Variants in EPSTI1 observed in about 807,000 individuals in gnomAD.
EPSTI1 encodes epithelial-stromal interaction protein 1.
In EPSTI1, 66 loss-of-function variants were observed where a neutral mutation model predicts 49.9. The observed-to-expected ratio is 1.32, with a 90% CI of 1.08 to 1.62. The LOEUF (loss-of-function observed/expected upper bound fraction) is 1.62. Ranked by LOEUF, EPSTI1 falls within the 40% of genes most tolerant of loss-of-function variation. The probability of loss-of-function intolerance (pLI) is 0.00; values close to 1 mark genes in which losing one functional copy is unlikely to be tolerated. For synonymous variants in EPSTI1, 137 were observed against 130.7 expected (o/e 1.05, Z -0.33); for missense variants, 394 against 365.5 (o/e 1.08, Z -0.64).
rs767306122 is a variant in EPSTI1, at chr13:42,991,959, A to G, written c.188+19T>C. ...GGGCCCGGGCTCCCGCCCCGAAGCC[A>G]GGTTGTTAAAATACTCACCGCCTCT... On this transcript the variant is annotated intron_variant, in intron 1 of 10. Coordinates refer to ENST00000313624, the MANE Select transcript of EPSTI1 (RefSeq NM_033255.5). The G allele has an allele frequency of 1.2e-6, 2 of 1,612,842 alleles. No homozygotes were observed. The highest frequency in any genetic ancestry group is 2.2e-5 in the South Asian group (2 of 91,050).
intron 6 of EPSTI1, among the ~76,000 whole-genome samples, chr13:42,941,682 C>T (rs2038756289): frequency 1.3e-5 from 2 of 148,966 alleles, no homozygotes; most frequent in African/African-American, 2.4e-5. Flanking sequence ...TGCTTAATTT[C>T]TAATTTTACT....
chr13:42,959,710 C>G (rs2039386137), intron 5 of EPSTI1, among the ~76,000 whole-genome samples: 1 of 152,140 alleles, frequency 6.6e-6, no homozygotes, highest in South Asian at 2.1e-4. Context: ...CTGGAAAGAG[C>G]AAGGAAAGGT....
At chr13:42,925,887 CTG>C (rs1051985300) in intron 7 of EPSTI1, among the ~76,000 whole-genome samples, 9 of 152,284 alleles carry the variant, frequency 5.9e-5, no homozygotes, top group Non-Finnish European at 1.3e-4. Context: ...GTGATATGCT[CTG>C]TGCTCAGCAG....
intron 1 of EPSTI1, among the ~76,000 whole-genome samples, chr13:42,987,901 A>G (rs902962649): frequency 3.3e-5 from 5 of 152,198 alleles, no homozygotes; most frequent in Admixed American, 1.3e-4. Context: ...GCTACTACGT[A>G]AGTGCTATTA....
intron 8 of EPSTI1, among the ~76,000 whole-genome samples, chr13:42,907,924 G>A (rs2037544659): frequency 6.6e-6 from 1 of 152,118 alleles, no homozygotes; most frequent in Admixed American, 6.5e-5. Context: ...ACAGAATAGA[G>A]AGTCCAAAAA....
intron 7 of EPSTI1, among the ~76,000 whole-genome samples, chr13:42,920,144 G>T (rs1415529279): frequency 6.6e-6 from 1 of 152,134 alleles, no homozygotes; most frequent in Non-Finnish European, 1.5e-5. Flanking sequence ...CCTCTGTAAA[G>T]ATGCTATCTC....
chr13:42,900,574 C>A (rs112763870), intron 8 of EPSTI1, among the ~76,000 whole-genome samples, 191 bp from the exon 9 acceptor site: 2 of 151,776 alleles, frequency 1.3e-5, no homozygotes, highest in African/African-American at 4.8e-5. Context: ...CTTAGTCAAA[C>A]AGAATAGCTC....
At chr13:42,931,015 C>T (rs9562441) in intron 6 of EPSTI1, among the ~76,000 whole-genome samples, 127,926 of 152,166 alleles carry the variant, frequency 0.84, 53,907 homozygotes, top group African/African-American at 0.9. Context: ...TAGGAGCATA[C>T]ATCTGCATTC....
At chr13:42,972,196 T>C (rs1299595616) in intron 1 of EPSTI1, among the ~76,000 whole-genome samples, 3 of 152,218 alleles carry the variant, frequency 2.0e-5, no homozygotes, top group East Asian at 3.8e-4. Flanking sequence ...CATTGTGGTA[T>C]AGAGCTTCTC....
chr13:42,961,426 A>G (rs1219474679), intron 5 of EPSTI1, among the ~76,000 whole-genome samples: 1 of 152,186 alleles, frequency 6.6e-6, no homozygotes, highest in Non-Finnish European at 1.5e-5. Flanking sequence ...CTAGAAGTAT[A>G]TATACTGTGA....
chr13:42,926,208 C>A, intron 7 of EPSTI1, 128 bp downstream of exon 7: 1 of 682,378 alleles, frequency 1.5e-6, no homozygotes, highest in Non-Finnish European at 2.7e-6. Flanking sequence ...GTCAAAGTTT[C>A]GGATCAGGTC....
intron 1 of EPSTI1, among the ~76,000 whole-genome samples, chr13:42,975,018 TA>T (rs2039854182): frequency 6.6e-6 from 1 of 152,082 alleles, no homozygotes; most frequent in Non-Finnish European, 1.5e-5. Context: ...GAAGTTTTCA[TA>T]GTTCAAGAAA....
intron 1 of EPSTI1, among the ~76,000 whole-genome samples, chr13:42,980,454 GGC>G (rs1458099984): frequency 3.3e-5 from 5 of 152,200 alleles, no homozygotes; most frequent in African/African-American, 1.2e-4. Flanking sequence ...CATGGTGGAA[GGC>G]AAAGGAGGAG....
intron 8 of EPSTI1, among the ~76,000 whole-genome samples, chr13:42,913,304 C>G (rs1194733052): frequency 6.6e-6 from 1 of 151,932 alleles, no homozygotes; most frequent in Non-Finnish European, 1.5e-5. Context: ...TCTTTCCACT[C>G]AAAATCTACT....
In EPSTI1 at chr13:42,989,212, G is replaced by A. The variant is rs568536871; in HGVS notation, c.188+2766C>T. ...TTTTTTTAACAAGGCACAAACATTC[G>A]ACTTAAGGGTGACAGCATAGTACTT... On this transcript the variant is annotated intron_variant, in intron 1 of 10. Coordinates refer to ENST00000313624, the MANE Select transcript of EPSTI1 (RefSeq NM_033255.5). 5.3e-5 allele frequency among the ~76,000 whole-genome samples: 8 copies of A among 151,912 alleles called. No homozygotes were observed. In the East Asian group the frequency reaches 1.4e-3, roughly 26 times the overall value.
chr13:42,899,251 A>C (rs778255701), intron 9 of EPSTI1, among the ~76,000 whole-genome samples: 1 of 152,108 alleles, frequency 6.6e-6, no homozygotes, highest in Non-Finnish European at 1.5e-5. Flanking sequence ...AAAATGGCTA[A>C]ATTATGGCCT....
At chr13:42,975,646 G>A (rs9533329) in intron 1 of EPSTI1, among the ~76,000 whole-genome samples, 44,149 of 152,080 alleles carry the variant, frequency 0.29, 6,445 homozygotes, top group South Asian at 0.43. Context: ...CTTCTTTCAG[G>A]TGGAGGTAAT....
At chr13:42,976,943 T>G (rs1051511804) in intron 1 of EPSTI1, among the ~76,000 whole-genome samples, 2 of 152,252 alleles carry the variant, frequency 1.3e-5, no homozygotes, top group African/African-American at 4.8e-5. Flanking sequence ...TAAGTGGTTT[T>G]CCTAATTTGA....
intron 6 of EPSTI1, among the ~76,000 whole-genome samples, chr13:42,948,138 G>A (rs1455326908): frequency 6.6e-6 from 1 of 152,262 alleles, no homozygotes; most frequent in East Asian, 1.9e-4. Flanking sequence ...CATCCTGAAG[G>A]CTTCATCTAG....
Sources: gnomAD v4.1 joint callset for allele counts (sites outside exome capture counted in the v4.1 genomes callset) on GRCh38, gnomAD v4.1.1 for gene constraint, MANE v1.5 for transcripts, NCBI Gene and HGNC (gene_info 2026-07-23, HGNC 2026-07-21) for gene names.